GALNT13: variants seen among roughly 807,000 people sequenced by gnomAD.
GALNT13 encodes the protein polypeptide N-acetylgalactosaminyltransferase 13, also known as UDP-GalNAc:polypeptide N-acetylgalactosaminyltransferase 13.
A neutral mutation model predicts 64.2 loss-of-function variants in GALNT13; 28 were observed. That is an observed-to-expected ratio of 0.44 (90% CI 0.32 to 0.60). GALNT13 has a LOEUF of 0.60. Among genes scored for constraint, GALNT13 ranks in the 20% least tolerant of loss-of-function variants. The pLI is 0.05. For synonymous variants in GALNT13, 214 were observed against 224.6 expected, an observed-to-expected ratio of 0.95 and a Z score of 0.42; for missense variants, 577 against 669.8, an observed-to-expected ratio of 0.86 and a Z score of 1.53.
At chr2:154,373,884 T>A (rs947741063) in intron 9 of GALNT13, among the ~76,000 whole-genome samples, 2 of 152,138 alleles carry the variant, frequency 1.3e-5, no homozygotes, top group Admixed American at 6.5e-5. Context: ...GGGTTTTGTT[T>A]ATGTTTTGCT....
chr2:153,846,206 G>A, the GALNT13 span, among the ~76,000 whole-genome samples: 32 of 152,210 alleles, frequency 2.1e-4, 1 homozygote, highest in African/African-American at 7.2e-4. Flanking sequence ...ATCAAAATGA[G>A]TTGTTCTTAA....
chr2:154,374,502 T>C (rs1247202273), intron 9 of GALNT13, among the ~76,000 whole-genome samples: 2 of 152,192 alleles, frequency 1.3e-5, no homozygotes, highest in Admixed American at 6.5e-5. Flanking sequence ...AGCTGAACTA[T>C]AAACTTCAAA....
chr2:154,255,898 A>G (rs762445671), intron 7 of GALNT13, among the ~76,000 whole-genome samples: 3 of 151,948 alleles, frequency 2.0e-5, no homozygotes, highest in Admixed American at 6.6e-5. Context: ...CAAAAAATAC[A>G]AAAAGATAGC....
At chr2:153,650,996 C>T in the GALNT13 span, among the ~76,000 whole-genome samples, 1 of 151,990 alleles carries the variant, frequency 6.6e-6, no homozygotes, top group African/African-American at 2.4e-5. Flanking sequence ...ATCAAGGGTA[C>T]AGGTGAAGTA....
chr2:153,484,014 T>C, the GALNT13 span, among the ~76,000 whole-genome samples: 91 of 152,300 alleles, frequency 6.0e-4, no homozygotes, highest in African/African-American at 2.1e-3. Context: ...ATATAAAAAT[T>C]GTTAAAATAG....
the GALNT13 span, among the ~76,000 whole-genome samples, chr2:153,202,016 C>A: frequency 7.5e-6 from 1 of 133,640 alleles, no homozygotes; most frequent in Non-Finnish European, 1.6e-5. Flanking sequence ...TTCGCTCTGT[C>A]GCCCAGGCCG....
Position 153,938,070 on chromosome 2 carries a change from A to G in GALNT13, c.-104-6324A>G, listed in dbSNP as rs899539398. On this transcript the variant is annotated intron_variant, in intron 2 of 12. Coordinates refer to ENST00000392825, the MANE Select transcript of GALNT13 (RefSeq NM_052917.4). ...ACTTTATTCAAAGATTATTATTAATATAACATCTTTGCATATTGGTAATAA... is the reference window on the plus strand; with the variant it reads ...ACTTTATTCAAAGATTATTATTAATGTAACATCTTTGCATATTGGTAATAA... 2.0e-5 allele frequency among the ~76,000 whole-genome samples: 3 copies of G among 152,238 alleles called. No homozygotes were observed. The South Asian group carries it at 6.2e-4, about 31-fold the overall frequency.
the GALNT13 span, among the ~76,000 whole-genome samples, chr2:153,789,108 T>G: frequency 2.6e-5 from 4 of 152,068 alleles, no homozygotes; most frequent in Admixed American, 1.3e-4. Flanking sequence ...ATATGATAGA[T>G]GTGTACAGAA....
At chr2:153,447,172 A>G in the GALNT13 span, among the ~76,000 whole-genome samples, 1 of 152,206 alleles carries the variant, frequency 6.6e-6, no homozygotes, top group Non-Finnish European at 1.5e-5. Context: ...ATACATCTCT[A>G]AGTTTATTAT....
At chr2:154,392,359 A>G (rs1265594142) in intron 9 of GALNT13, among the ~76,000 whole-genome samples, 1 of 152,208 alleles carries the variant, frequency 6.6e-6, no homozygotes, top group Non-Finnish European at 1.5e-5. Flanking sequence ...GATAAGGAAG[A>G]GGAATTGATC....
At chr2:154,368,361 A>T (rs1017583518) in intron 9 of GALNT13, among the ~76,000 whole-genome samples, 3 of 152,146 alleles carry the variant, frequency 2.0e-5, no homozygotes, top group Non-Finnish European at 4.4e-5. Context: ...CACTAAGGTC[A>T]CACCCCTCTC....
At chr2:153,639,633 G>A in the GALNT13 span, among the ~76,000 whole-genome samples, 1 of 152,158 alleles carries the variant, frequency 6.6e-6, no homozygotes, top group Non-Finnish European at 1.5e-5. Context: ...TTCTCTGAAA[G>A]TGCCAACAAG....
chr2:154,243,608 T>C (rs1689616617), intron 6 of GALNT13, among the ~76,000 whole-genome samples: 1 of 152,246 alleles, frequency 6.6e-6, no homozygotes, highest in Admixed American at 6.5e-5. Context: ...AGAATCCTTA[T>C]ACATACCTGC....
chr2:153,651,156 T>G, the GALNT13 span, among the ~76,000 whole-genome samples: 1 of 150,798 alleles, frequency 6.6e-6, no homozygotes, highest in African/African-American at 2.4e-5. Flanking sequence ...TAAGTATTCG[T>G]ACCACAATAA....
At chr2:154,065,989 A>G (rs1700443615) in intron 3 of GALNT13, among the ~76,000 whole-genome samples, 1 of 152,250 alleles carries the variant, frequency 6.6e-6, no homozygotes, top group South Asian at 2.1e-4. Flanking sequence ...AACAAAGAGA[A>G]AGAATTTAAA....
the GALNT13 span, among the ~76,000 whole-genome samples, chr2:153,540,375 C>T: frequency 3.9e-5 from 6 of 152,338 alleles, 1 homozygote; most frequent in African/African-American, 1.2e-4. Flanking sequence ...ATCTGGATGT[C>T]CAGGCAGAAG....
the GALNT13 span, among the ~76,000 whole-genome samples, chr2:153,158,478 G>C: frequency 1.3e-5 from 2 of 152,108 alleles, no homozygotes; most frequent in African/African-American, 2.4e-5. Context: ...ATATGGTCAT[G>C]CTTCACTGTA....
At chr2:153,225,543 A>G in the GALNT13 span, among the ~76,000 whole-genome samples, 1 of 152,308 alleles carries the variant, frequency 6.6e-6, no homozygotes, top group South Asian at 2.1e-4. Flanking sequence ...GGAAAGAAAT[A>G]AAGTTTATTT....
At chr2:154,214,577 T>C (rs974434621) in intron 4 of GALNT13, among the ~76,000 whole-genome samples, 2 of 152,102 alleles carry the variant, frequency 1.3e-5, no homozygotes, top group African/African-American at 4.8e-5. Flanking sequence ...AGGTGGTTTT[T>C]CCCCTGATGT....
Sources: allele counts gnomAD v4.1 joint callset (sites outside exome capture counted in the v4.1 genomes callset), GRCh38; gene constraint gnomAD v4.1.1; transcripts MANE v1.5; gene names NCBI Gene and HGNC (gene_info 2026-07-23, HGNC 2026-07-21).